The following ZNF75D variants were observed in gnomAD, a reference collection of about 807,000 sequenced individuals.
ZNF75D encodes the protein zinc finger protein 75.
In ZNF75D, 33 loss-of-function variants were observed where a neutral mutation model predicts 33.3. That is an observed-to-expected ratio of 0.99 (90% CI 0.75 to 1.32). The LOEUF is 1.32. Ranked by LOEUF, ZNF75D falls within the 40% of genes most tolerant of loss-of-function variation. The pLI is 0.00. For missense variants in ZNF75D, 338 were observed against 367.5 expected (o/e 0.92, Z 0.66); for synonymous variants, 113 against 130.6 (o/e 0.87, Z 0.92).
At chrX:135,316,493 G>GT (rs2148485593) in intron 1 of ZNF75D, among the ~76,000 whole-genome samples, 1 of 111,482 alleles carries the variant, frequency 9.0e-6, no homozygotes, top group South Asian at 3.7e-4. Flanking sequence ...TTTTTGCATT[G>GT]TATGTTTGAG....
chrX:135,293,942 T>C lies in ZNF75D; in HGVS notation c.199A>G (p.Ile67Val), dbSNP rs1556422013. 17 of 1,211,366 alleles carry C rather than the reference T, an allele frequency of 1.4e-5. No individual in the cohort carries two copies. Among genetic ancestry groups the C allele is most frequent in the South Asian group, 1.8e-5 (1 of 56,937 alleles). Residue 67 changes from isoleucine (I) to valine (V), a missense_variant, in exon 3 of 7, where the codon ATC (isoleucine) becomes GTC (valine). Coordinates refer to ENST00000370766, the MANE Select transcript of ZNF75D (RefSeq NM_007131.5). ...YHEATGPLET[I>V]SQLQKLCHQW... is the part of the protein sequence containing the mutation. ...TGGCACAATTTCTGAAGTTGGCTGATAGTCTCAAGCGGTCCGGTTGCTTCA... is the reference window on the plus strand; with the variant it reads ...TGGCACAATTTCTGAAGTTGGCTGACAGTCTCAAGCGGTCCGGTTGCTTCA...
exon 4 of ZNF75D, chrX:135,249,106 T>C: frequency 3.1e-6 from 1 of 325,662 alleles, no homozygotes; most frequent in Non-Finnish European, 6.0e-6. Context: ...CAGATCCGCA[T>C]CGTTTCTATG....
intron 1 of ZNF75D, among the ~76,000 whole-genome samples, chrX:135,309,088 C>A (rs2084324604): frequency 8.9e-6 from 1 of 111,972 alleles, no homozygotes; most frequent in African/African-American, 3.2e-5. Flanking sequence ...AGGGAAAACT[C>A]AGAGGTGAAA....
intron 6 of ZNF75D, 117 bp downstream of exon 6, chrX:135,290,892 G>A (rs1212077239): frequency 4.2e-6 from 3 of 712,857 alleles, no homozygotes; most frequent in Non-Finnish European, 6.1e-6. Context: ...ACATCATCAA[G>A]TTGAGAATCA....
At chrX:135,271,132 C>T (rs2083881652) in intron 1 of ZNF75D, among the ~76,000 whole-genome samples, 2 of 111,348 alleles carry the variant, frequency 1.8e-5, no homozygotes, top group Admixed American at 9.5e-5. Context: ...TTCACCAGGC[C>T]GCTCTAGCAC....
intron 1 of ZNF75D, among the ~76,000 whole-genome samples, chrX:135,302,985 A>T (rs1186448009): frequency 9.0e-6 from 1 of 110,888 alleles, no homozygotes; most frequent in Non-Finnish European, 1.9e-5. Context: ...GAAGGTCAGC[A>T]GGTAAACACG....
intron 1 of ZNF75D, among the ~76,000 whole-genome samples, chrX:135,263,152 C>G (rs2083849481): frequency 8.9e-6 from 1 of 112,759 alleles, no homozygotes; most frequent in African/African-American, 3.2e-5. Flanking sequence ...TATTTCAGAA[C>G]AGCAAATATT....
chrX:135,286,208 T>G lies in ZNF75D; in HGVS notation c.*929A>C, dbSNP rs1477680895. ...ATCAGTTTTGCAAAATCTCCAGGCC[T>G]TCTTGCAGAGTATTCAGGCATATAG... On this transcript the variant is annotated 3_prime_UTR_variant, in exon 7 of 7. Transcript: ENST00000370766. 1 of 112,000 alleles carries G rather than the reference T, an allele frequency of 8.9e-6. No individual in the cohort carries two copies. The highest frequency in any genetic ancestry group is 1.9e-5 in the Non-Finnish European group (1 of 53,205). 9.2% of individuals were successfully genotyped at this position (112,000 alleles called of 1,213,427 possible).
At chrX:135,335,238 C>T (rs2084696130) in intron 1 of ZNF75D, among the ~76,000 whole-genome samples, 2 of 111,079 alleles carry the variant, frequency 1.8e-5, no homozygotes, top group African/African-American at 6.6e-5. Context: ...GGGCCAACTT[C>T]TCCTAGGACC....
At position 135,257,892 on chromosome X, in the gene ZNF75D, A is replaced by T. The variant is rs1431128953; in HGVS notation, n.828-2115T>A. On this transcript the variant is annotated intron_variant and non_coding_transcript_variant, in intron 1 of 3. Coordinates refer to the ZNF75D transcript ENST00000494295. The stretch of plus-strand genomic sequence containing the variant: ...AACATGCTGGTTTTATACATGTGCC[A>T]TGCTGGTTTGCTGCACCCATCAACT... 2.7e-5 allele frequency among the ~76,000 whole-genome samples: 3 copies of T among 110,359 alleles called. 1 individual carries two copies. The highest frequency in any genetic ancestry group is 5.7e-5 in the Non-Finnish European group (3 of 52,688).
intron 4 of ZNF75D, 93 bp downstream of exon 4, chrX:135,292,188 T>C: frequency 1.1e-6 from 1 of 919,220 alleles, no homozygotes; most frequent in South Asian, 2.2e-5. Flanking sequence ...GCTGCTAGCA[T>C]GGCTGGCCAC....
chrX:135,261,093 G>A (rs2083839583), intron 1 of ZNF75D, among the ~76,000 whole-genome samples: 1 of 112,407 alleles, frequency 8.9e-6, no homozygotes, highest in South Asian at 3.7e-4. Context: ...CAGTTTCCAT[G>A]TAGTTGTGTG....
intron 1 of ZNF75D, among the ~76,000 whole-genome samples, chrX:135,302,839 A>C (rs1432634914): frequency 7.2e-5 from 8 of 110,457 alleles, no homozygotes; most frequent in Admixed American, 3.8e-4. Context: ...TAGAGAAAGA[A>C]AAAAGGGGCC....
At chrX:135,326,260 G>C (rs1019101503) in intron 1 of ZNF75D, among the ~76,000 whole-genome samples, 1 of 104,008 alleles carries the variant, frequency 9.6e-6, no homozygotes, top group Non-Finnish European at 2.0e-5. Flanking sequence ...ACACCAATGG[G>C]TACTCTGTAT....
intron 1 of ZNF75D, among the ~76,000 whole-genome samples, chrX:135,329,904 A>G (rs1386831219): frequency 3.6e-5 from 4 of 112,178 alleles, no homozygotes; most frequent in Non-Finnish European, 7.5e-5. Context: ...AAAATTAATT[A>G]CTATATCATT....
chrX:135,305,351 G>A (rs1269340412), intron 1 of ZNF75D, among the ~76,000 whole-genome samples: 4 of 111,441 alleles, frequency 3.6e-5, no homozygotes, highest in African/African-American at 1.3e-4. Context: ...TATTTTTAGG[G>A]AACCCACATT....
rs186256477 is a variant in ZNF75D, at chrX:135,294,601, T to G, written c.-118-343A>C. 3.4e-3 allele frequency among the ~76,000 whole-genome samples: 375 copies of G among 111,474 alleles called. 3 individuals are homozygous for G. Among genetic ancestry groups the G allele is most frequent in the African/African-American group, 0.012 (355 of 30,670 alleles). On this transcript the variant is annotated intron_variant, in intron 2 of 6. Coordinates refer to ENST00000370766, the MANE Select transcript of ZNF75D (RefSeq NM_007131.5). ...CTTTGAGATTATCCAATACTTAATC[T>G]GTGGGTTTCCTGTCCTATATTGGCA...
At chrX:135,337,213 CACAT>C (rs1182529514) in intron 1 of ZNF75D, among the ~76,000 whole-genome samples, 1 of 112,468 alleles carries the variant, frequency 8.9e-6, no homozygotes, top group African/African-American at 3.2e-5. Flanking sequence ...TGTATACACA[CACAT>C]ATATACAATG....
intron 1 of ZNF75D, among the ~76,000 whole-genome samples, chrX:135,312,119 C>G (rs2084365484): frequency 9.0e-6 from 1 of 111,523 alleles, no homozygotes; most frequent in Non-Finnish European, 1.9e-5. Flanking sequence ...TATGTTTGTA[C>G]CCATTAACCA....
Sources: gnomAD v4.1 joint callset for allele counts (sites outside exome capture counted in the v4.1 genomes callset) on GRCh38, gnomAD v4.1.1 for gene constraint, MANE v1.5 for transcripts, NCBI Gene and HGNC (gene_info 2026-07-23, HGNC 2026-07-21) for gene names.